The following PPP2R3A variants were observed in gnomAD, a reference collection of about 807,000 sequenced individuals.
PPP2R3A encodes the protein protein phosphatase 2 regulatory subunit B''alpha.
A neutral mutation model predicts 106.9 loss-of-function variants in PPP2R3A; 80 were observed. The ratio of observed to expected loss-of-function variants is 0.75; its 90% CI spans 0.62 to 0.90. The LOEUF is 0.90. Among genes scored for constraint, PPP2R3A ranks in the 40% least tolerant of loss-of-function variants. The pLI is 0.00. For synonymous variants in PPP2R3A, 483 were observed against 468.3 expected (o/e 1.03, Z -0.41); for missense variants, 1,386 against 1,350.4 (o/e 1.03, Z -0.41).
At chr3:135,977,476 T>C (rs373387924) in intron 1 of PPP2R3A, among the ~76,000 whole-genome samples, 2 of 152,262 alleles carry the variant, frequency 1.3e-5, no homozygotes, top group Non-Finnish European at 2.9e-5. Context: ...TATTGTCTGC[T>C]TTGTTGGTTT....
chr3:136,136,531 A>G (rs1017660478), intron 13 of PPP2R3A, among the ~76,000 whole-genome samples: 1 of 152,212 alleles, frequency 6.6e-6, no homozygotes, highest in East Asian at 1.9e-4. Flanking sequence ...AGTGTCTGGT[A>G]TATTAATGCT....
intron 2 of PPP2R3A, among the ~76,000 whole-genome samples, chr3:136,004,536 A>G (rs1933777136): frequency 1.3e-5 from 2 of 152,222 alleles, no homozygotes; most frequent in Admixed American, 1.3e-4. Flanking sequence ...ATAGAAAAGC[A>G]CATGGAATAT....
intron 4 of PPP2R3A, among the ~76,000 whole-genome samples, chr3:136,048,737 G>A (rs998411827): frequency 5.9e-5 from 9 of 151,704 alleles, no homozygotes; most frequent in African/African-American, 1.9e-4. Flanking sequence ...GGACAATGAC[G>A]TGATCAAATA....
chr3:136,002,987 C>T lies in PPP2R3A; in HGVS notation c.1489C>T (p.Gln497Ter), dbSNP rs923504820. 2 of 1,613,282 alleles carry T rather than the reference C, an allele frequency of 1.2e-6. No homozygotes were observed. Among genetic ancestry groups the T allele is most frequent in the African/African-American group, 2.7e-5 (2 of 74,806 alleles). Reference protein sequence around the residue: ...SKVSKFEEGDQRDFTNSSSQE... With the variant: ...SKVSKFEEGD ...AGTTTCTAAATTTGAAGAGGGAGACCAGAGAGATTTTACAAATTCCAGTAG... is the reference window on the plus strand; with the variant it reads ...AGTTTCTAAATTTGAAGAGGGAGACTAGAGAGATTTTACAAATTCCAGTAG... The change falls in exon 2 of 14, where the codon CAG becomes TAG. Residue 497 changes from glutamine to a stop codon, truncating the protein, a stop_gained. Transcript: ENST00000264977. LOFTEE classifies it high-confidence loss of function.
In PPP2R3A at chr3:136,136,070, AAAATTAT is replaced by A. The variant is rs1447210000; in HGVS notation, c.3330-8971_3330-8965del. Reference sequence around the variant, plus strand: ...CAAAAAAAAAAAAAAAAAAAAAAAAAAAATTATATATATATATATATATAAAAAACAT... The same window carrying A: ...CAAAAAAAAAAAAAAAAAAAAAAAAAATATATATATATATATAAAAAACAT... On this transcript the variant is annotated intron_variant, in intron 13 of 13. Transcript: ENST00000264977. 9.8e-3 allele frequency among the ~76,000 whole-genome samples: 262 copies of A among 26,784 alleles called. 18 individuals are homozygous for A. Among genetic ancestry groups the A allele is most frequent in the Non-Finnish European group, 0.033 (205 of 6,240 alleles). 17.6% of individuals were successfully genotyped at this position (26,784 alleles called of 152,430 possible).
chr3:135,966,881 C>G (rs1006340223), intron 1 of PPP2R3A, among the ~76,000 whole-genome samples: 1 of 152,124 alleles, frequency 6.6e-6, no homozygotes, highest in Non-Finnish European at 1.5e-5. Context: ...TCCTTAGTCT[C>G]AGGCCTTAGT....
chr3:136,041,250 G>GTTTTTTTTTTTTTTTTTTTTTTTTTTTT lies in PPP2R3A; in HGVS notation c.2366+299_2366+300insTTTTTTTTTTTTTTTTTTTTTTTTTTTT, dbSNP rs1246326384. Among the ~76,000 whole-genome samples, 4 of 56,582 alleles carry GTTTTTTTTTTTTTTTTTTTTTTTTTTTT rather than the reference G, an allele frequency of 7.1e-5. 1 individual carries two copies. The highest frequency in any genetic ancestry group is 6.2e-4 in the South Asian group (1 of 1,604). The allele number at this position is 56,582 out of a possible 152,430, so 37.1% of individuals were successfully genotyped here. On this transcript the variant is annotated intron_variant, in intron 4 of 13. Coordinates refer to ENST00000264977, the MANE Select transcript of PPP2R3A (RefSeq NM_002718.5). ...CTTGGTTTTTCTTGTTTTTTTTTTT[G>GTTTTTTTTTTTTTTTTTTTTTTTTTTTT]TTTTTTTTTTTGTTTTTTTTTTTTT... is the stretch of plus-strand genomic sequence containing the variant.
At chr3:136,139,435 C>T (rs1467469561) in intron 13 of PPP2R3A, among the ~76,000 whole-genome samples, 1 of 152,132 alleles carries the variant, frequency 6.6e-6, no homozygotes, top group Non-Finnish European at 1.5e-5. Flanking sequence ...GTGGTTCACA[C>T]CTGTACTCCC....
intron 13 of PPP2R3A, among the ~76,000 whole-genome samples, chr3:136,125,599 C>T (rs931736009): frequency 6.6e-6 from 1 of 152,072 alleles, no homozygotes; most frequent in Non-Finnish European, 1.5e-5. Context: ...GTAATCCTGG[C>T]ACTTTGGGAG....
intron 13 of PPP2R3A, among the ~76,000 whole-genome samples, chr3:136,136,826 C>T (rs1011649565): frequency 1.3e-5 from 2 of 152,182 alleles, no homozygotes; most frequent in African/African-American, 4.8e-5. Context: ...AGCATCTGTA[C>T]CTCCTGATTT....
intron 13 of PPP2R3A, among the ~76,000 whole-genome samples, chr3:136,118,952 G>T (rs901755956): frequency 2.0e-5 from 3 of 152,126 alleles, no homozygotes; most frequent in Non-Finnish European, 2.9e-5. Flanking sequence ...GAGGCATCAT[G>T]CTACCTGACT....
chr3:136,140,576 CTG>C (rs1938824929), intron 13 of PPP2R3A, among the ~76,000 whole-genome samples: 1 of 152,014 alleles, frequency 6.6e-6, no homozygotes, highest in Non-Finnish European at 1.5e-5. Flanking sequence ...TGGAGAAACC[CTG>C]TCTCTACTAA....
chr3:136,098,896 A>G (rs185513489), intron 10 of PPP2R3A, among the ~76,000 whole-genome samples: 4 of 152,332 alleles, frequency 2.6e-5, no homozygotes, highest in Non-Finnish European at 5.9e-5. Flanking sequence ...TCTTCAGGTC[A>G]TGTCCTCTAC....
intron 1 of PPP2R3A, among the ~76,000 whole-genome samples, chr3:135,986,859 C>T (rs1171907355): frequency 6.6e-6 from 1 of 152,132 alleles, no homozygotes. Flanking sequence ...CTTCTTGACT[C>T]CACTTTCCAC....
In PPP2R3A at chr3:136,026,942, T is replaced by C. The variant is rs770539324; in HGVS notation, c.2106T>C (p.Asn702=). The C allele has an allele frequency of 9.3e-6, 15 of 1,613,716 alleles. No homozygotes were observed. The South Asian group carries it at 1.5e-4, about 17-fold the overall frequency. The stretch of plus-strand genomic sequence containing the variant: ...TTCCCCATGTGAATAATGTTGTGAA[T>C]GCGCCATTGTCCATAAACATTCCAC... ...SPVPHVNNVV[N]APLSINIPRF... Residue 702 remains asparagine (N), a synonymous_variant, in exon 3 of 14, where the codon AAT becomes AAC. Coordinates refer to ENST00000264977, the MANE Select transcript of PPP2R3A (RefSeq NM_002718.5).
At chr3:136,090,179 G>C (rs1937060354) in intron 9 of PPP2R3A, among the ~76,000 whole-genome samples, 1 of 152,232 alleles carries the variant, frequency 6.6e-6, no homozygotes, top group East Asian at 1.9e-4. Context: ...TCTTGTTCTT[G>C]TTCTTAAGGG....
At chr3:135,978,798 A>G (rs1937491913) in intron 1 of PPP2R3A, among the ~76,000 whole-genome samples, 1 of 151,830 alleles carries the variant, frequency 6.6e-6, no homozygotes, top group South Asian at 2.1e-4. Flanking sequence ...ATACAAATTA[A>G]TTTTTAATCT....
intron 5 of PPP2R3A, among the ~76,000 whole-genome samples, chr3:136,059,112 T>C (rs1223018431): frequency 1.3e-5 from 2 of 151,992 alleles, no homozygotes; most frequent in Non-Finnish European, 2.9e-5. Context: ...CCAAGAGCAA[T>C]TGTAACGGGC....
At chr3:136,144,217 C>T (rs546740948) in intron 13 of PPP2R3A, among the ~76,000 whole-genome samples, 1 of 152,318 alleles carries the variant, frequency 6.6e-6, no homozygotes, top group Non-Finnish European at 1.5e-5. Context: ...GGATGAGTAT[C>T]CAGGTCCAGG....
Sources: allele counts gnomAD v4.1 joint callset (sites outside exome capture counted in the v4.1 genomes callset), GRCh38; gene constraint gnomAD v4.1.1; transcripts MANE v1.5; gene names NCBI Gene and HGNC (gene_info 2026-07-23, HGNC 2026-07-21).